ACAP2: variants seen among roughly 807,000 people sequenced by gnomAD.
ACAP2 encodes arf-GAP with coiled-coil, ANK repeat and PH domain-containing protein 2.
In ACAP2, 39 loss-of-function variants were observed where a neutral mutation model predicts 115.8. That is an observed-to-expected ratio of 0.34 (90% CI 0.26 to 0.44). The LOEUF is 0.44. Ranked by LOEUF, ACAP2 falls within the 20% of genes least tolerant of loss-of-function variation. ACAP2 has a pLI of 1.00. For synonymous variants in ACAP2, 289 were observed against 315.8 expected (o/e 0.92, Z 0.90); for missense variants, 662 against 927.6 (o/e 0.71, Z 3.72).
chr3:195,336,460 G>C (rs1730514069), intron 7 of ACAP2: 1 of 152,316 alleles, frequency 6.6e-6, no homozygotes, highest in East Asian at 1.9e-4. Context: ...AAAAATTATA[G>C]AGAAAAATGT....
intron 2 of ACAP2, among the ~76,000 whole-genome samples, chr3:195,383,722 C>T (rs1191363392): frequency 6.6e-6 from 1 of 150,870 alleles, no homozygotes; most frequent in Non-Finnish European, 1.5e-5. Flanking sequence ...CATAGGAAAA[C>T]AATATTAAGA....
intron 21 of ACAP2, 151 bp downstream of exon 21, chr3:195,288,970 T>G (rs1727052431): frequency 1.8e-6 from 1 of 561,428 alleles, no homozygotes; most frequent in Admixed American, 3.6e-5. Context: ...GGTATGTAAG[T>G]TATATGTAAA....
intron 8 of ACAP2, among the ~76,000 whole-genome samples, chr3:195,329,099 G>A (rs1203399384): frequency 1.3e-5 from 2 of 149,614 alleles, no homozygotes; most frequent in Non-Finnish European, 1.5e-5. Flanking sequence ...AAAAAAGAAA[G>A]AAAGAAAAAA....
At chr3:195,403,519 A>G (rs2131681) in intron 1 of ACAP2, among the ~76,000 whole-genome samples, 3,890 of 152,332 alleles carry the variant, frequency 0.026, 147 homozygotes, top group African/African-American at 0.085. Context: ...AGATGGCTCA[A>G]GGTAAGCACC....
intron 13 of ACAP2, 79 bp downstream of exon 13, chr3:195,306,432 C>T: frequency 5.5e-6 from 4 of 733,274 alleles, no homozygotes; most frequent in Non-Finnish European, 8.8e-6. Flanking sequence ...AACGATGCTA[C>T]ATACAGTCAT....
At chr3:195,374,440 A>G (rs1423726507) in intron 4 of ACAP2, among the ~76,000 whole-genome samples, 2 of 152,218 alleles carry the variant, frequency 1.3e-5, no homozygotes, top group African/African-American at 4.8e-5. Context: ...ACTTGTGTCA[A>G]TCAGAGAAAA....
chr3:195,286,909 ATAACT>A (rs1376131538), intron 21 of ACAP2, among the ~76,000 whole-genome samples: 1 of 152,262 alleles, frequency 6.6e-6, no homozygotes, highest in East Asian at 1.9e-4. Context: ...CTTTTCTTTA[ATAACT>A]TATCTTTCTT....
chr3:195,406,577 C>T (rs190236495), intron 1 of ACAP2, among the ~76,000 whole-genome samples: 49 of 152,312 alleles, frequency 3.2e-4, no homozygotes, highest in African/African-American at 1.1e-3. Context: ...AGTGATCCTC[C>T]CACCCTGACC....
intron 4 of ACAP2, 141 bp downstream of exon 4, chr3:195,380,868 T>C: frequency 1.4e-6 from 1 of 706,848 alleles, no homozygotes; most frequent in Non-Finnish European, 2.4e-6. Context: ...ACAGCGTACA[T>C]TTTAGATTCA....
rs190106466 is a variant in ACAP2, at chr3:195,308,284, G to A, written c.909+502C>T. 5.0e-3 allele frequency among the ~76,000 whole-genome samples: 758 copies of A among 150,566 alleles called. 5 individuals are homozygous for A. Among genetic ancestry groups the A allele is most frequent in the African/African-American group, 0.018 (735 of 41,450 alleles). ...CTTTCATCTTCAAAATAGTGCTATG[G>A]AATGGCAGTGTTATTTCTGTCATGG... On this transcript the variant is annotated intron_variant, in intron 11 of 22. Coordinates refer to ENST00000326793, the MANE Select transcript of ACAP2 (RefSeq NM_012287.6).
Position 195,279,387 on chromosome 3 carries a change from T to A in ACAP2, c.2278A>T (p.Met760Leu). The A allele has an allele frequency of 6.2e-7, 1 of 1,607,182 alleles. No individual in the cohort carries two copies. The highest frequency in any genetic ancestry group is 8.5e-7 in the Non-Finnish European group (1 of 1,178,132). Residue 760 changes from methionine (M) to leucine (L), a missense_variant, in exon 23 of 23, where the codon ATG becomes TTG. Met to Leu is a conservative substitution (Grantham distance 15, BLOSUM62 2). This residue lies in a region of ACAP2 where 128 missense variants were observed against 200.2 expected (regional missense o/e 0.64). Transcript: ENST00000326793. ...YQDIFRDFSQ[M>L]ASNNPEKLNR... ...AGTTTCTCTGGATTATTGGATGCCATTTGGGAAAAATCACGAAATATGTCC... is the reference window on the plus strand; with the variant it reads ...AGTTTCTCTGGATTATTGGATGCCAATTGGGAAAAATCACGAAATATGTCC...
intron 4 of ACAP2, among the ~76,000 whole-genome samples, chr3:195,375,638 C>T (rs113626463): frequency 6.6e-6 from 1 of 152,026 alleles, no homozygotes; most frequent in South Asian, 2.1e-4. Flanking sequence ...ACAGCAAGAC[C>T]CCATCTCAAC....
At chr3:195,413,999 GAAAAAGAA>G (rs1396090626) in intron 1 of ACAP2, among the ~76,000 whole-genome samples, 1 of 149,732 alleles carries the variant, frequency 6.7e-6, no homozygotes, top group African/African-American at 2.4e-5. Flanking sequence ...AAAAAAGAAA[GAAAAAGAA>G]AAAAAGAAAG....
At position 195,328,741 on chromosome 3, in the gene ACAP2, T is replaced by C. The variant is rs573190907; in HGVS notation, c.670-1782A>G. On this transcript the variant is annotated intron_variant, in intron 8 of 22. Transcript: ENST00000326793. The stretch of plus-strand genomic sequence containing the variant: ...AATATGCACGCATATACTTTACATA[T>C]GAATTCTGCAATGTAGGTGATGGTC... 6.6e-5 allele frequency among the ~76,000 whole-genome samples: 10 copies of C among 152,348 alleles called. No homozygotes were observed. The South Asian group carries it at 1.9e-3, about 28-fold the overall frequency.
At chr3:195,279,669 G>A in intron 22 of ACAP2, 1 of 310,766 alleles carries the variant, frequency 3.2e-6, no homozygotes, top group Non-Finnish European at 5.8e-6. Context: ...CTCAGAGTTA[G>A]AAAAGAGCAA....
intron 4 of ACAP2, among the ~76,000 whole-genome samples, chr3:195,358,441 A>T (rs1732133270): frequency 6.6e-6 from 1 of 152,178 alleles, no homozygotes; most frequent in Non-Finnish European, 1.5e-5. Context: ...TTTCAGACAC[A>T]GAATTCAAAA....
At chr3:195,295,639 T>A in intron 17 of ACAP2, 69 bp downstream of exon 17, 1 of 1,552,354 alleles carries the variant, frequency 6.4e-7, no homozygotes, top group South Asian at 1.2e-5. Context: ...TGGCTATTAG[T>A]TCAGGGATTA....
At chr3:195,432,761 A>G (rs1409278762) in intron 1 of ACAP2, among the ~76,000 whole-genome samples, 3 of 152,234 alleles carry the variant, frequency 2.0e-5, no homozygotes, top group Non-Finnish European at 4.4e-5. Context: ...TTTAGTTTGT[A>G]GATCAATTTG....
intron 1 of ACAP2, among the ~76,000 whole-genome samples, chr3:195,424,251 G>A (rs1714446711): frequency 1.3e-5 from 1 of 79,298 alleles, no homozygotes; most frequent in African/African-American, 4.7e-5. Context: ...TGTGGTGTGT[G>A]TGTGTGTGTG....
Sources: gnomAD v4.1 joint callset for allele counts (sites outside exome capture counted in the v4.1 genomes callset) on GRCh38, gnomAD v4.1.1 for gene constraint, gnomAD v4.1.1 regional missense constraint, MANE v1.5 for transcripts, NCBI Gene and HGNC (gene_info 2026-07-23, HGNC 2026-07-21) for gene names.